Variants in SOX5 observed in about 807,000 individuals in gnomAD.
SOX5 encodes the protein SRY-box transcription factor 5.
SOX5 carries 9 observed loss-of-function variants against 92.0 expected under a neutral mutation model. That is an observed-to-expected ratio of 0.10 (90% CI 0.06 to 0.17). SOX5 has a LOEUF of 0.17. Among genes scored for constraint, SOX5 ranks in the 10% least tolerant of loss-of-function variants. SOX5 has a pLI of 1.00. For synonymous variants in SOX5, 344 were observed against 336.3 expected, an observed-to-expected ratio of 1.02 and a Z score of -0.25; for missense variants, 642 against 944.5, an observed-to-expected ratio of 0.68 and a Z score of 4.20.
intron 1 of SOX5, among the ~76,000 whole-genome samples, chr12:24,438,125 C>T (rs1363569070): frequency 6.6e-6 from 1 of 152,148 alleles, no homozygotes; most frequent in Non-Finnish European, 1.5e-5. Flanking sequence ...AGATCATGTC[C>T]TTTGCAGGGA....
chr12:24,376,211 C>A (rs999798617), intron 1 of SOX5, among the ~76,000 whole-genome samples: 2 of 152,214 alleles, frequency 1.3e-5, no homozygotes, highest in Non-Finnish European at 2.9e-5. Context: ...ATTCCAAGAA[C>A]TTTTGCATTT....
intron 1 of SOX5, among the ~76,000 whole-genome samples, chr12:23,910,184 G>A (rs117241834): frequency 0.013 from 1,976 of 152,190 alleles, 12 homozygotes; most frequent in Non-Finnish European, 0.023. Flanking sequence ...GCCTTAAAAA[G>A]ATATTAAAGC....
chr12:23,603,718 C>G (rs150071929), intron 9 of SOX5, among the ~76,000 whole-genome samples: 237 of 152,038 alleles, frequency 1.6e-3, no homozygotes, highest in African/African-American at 5.4e-3. Flanking sequence ...TTCCCTGATC[C>G]TTTTCCATGT....
intron 3 of SOX5, among the ~76,000 whole-genome samples, chr12:24,270,643 C>G (rs1054072430): frequency 4.6e-5 from 7 of 152,154 alleles, no homozygotes; most frequent in African/African-American, 1.7e-4. Context: ...AGAAGTGTTC[C>G]TGGACACAAA....
At chr12:23,655,130 T>C (rs897044017) in intron 7 of SOX5, among the ~76,000 whole-genome samples, 1 of 152,060 alleles carries the variant, frequency 6.6e-6, no homozygotes, top group African/African-American at 2.4e-5. Flanking sequence ...TTTCTGCATA[T>C]AAAAAATACA....
intron 2 of SOX5, among the ~76,000 whole-genome samples, chr12:24,286,832 C>T (rs148234857): frequency 3.9e-5 from 6 of 152,328 alleles, no homozygotes; most frequent in South Asian, 2.1e-4. Flanking sequence ...ACAGAAAGAA[C>T]GGGTCACTCT....
intron 2 of SOX5, among the ~76,000 whole-genome samples, chr12:24,308,576 C>T (rs74068501): frequency 0.013 from 1,914 of 152,278 alleles, 44 homozygotes; most frequent in African/African-American, 0.044. Flanking sequence ...CTTTGTGGTA[C>T]CACGTGACTT....
intron 1 of SOX5, among the ~76,000 whole-genome samples, chr12:24,400,382 A>G (rs945169523): frequency 3.7e-5 from 3 of 81,772 alleles, no homozygotes; most frequent in Non-Finnish European, 8.5e-5. Context: ...AATGATTTAT[A>G]ATAAATTATT....
chr12:24,293,108 A>T (rs1169899204), intron 2 of SOX5, among the ~76,000 whole-genome samples: 1 of 152,218 alleles, frequency 6.6e-6, no homozygotes. Flanking sequence ...GATGATATCA[A>T]TATATCCCAC....
At chr12:24,148,235 G>A (rs1169682121) in intron 4 of SOX5, among the ~76,000 whole-genome samples, 2 of 152,054 alleles carry the variant, frequency 1.3e-5, no homozygotes, top group Non-Finnish European at 2.9e-5. Context: ...GGCGGCTCAC[G>A]CCTGTAATCC....
rs1038878769 is a variant in SOX5, at chr12:24,422,161, A to C, written c.-250-53522T>G. On this transcript the variant is annotated intron_variant, in intron 1 of 4. Transcript: ENST00000446891. Reference sequence around the variant, plus strand: ...ATGCTTATTGTTCTTAATGAAAGCTATTCATTACACTCATTGCTGTAGTTT... The same window carrying C: ...ATGCTTATTGTTCTTAATGAAAGCTCTTCATTACACTCATTGCTGTAGTTT... Among the ~76,000 whole-genome samples, 15 of 152,332 alleles carry C rather than the reference A, an allele frequency of 9.8e-5. 1 individual carries two copies. In the South Asian group the frequency reaches 1.7e-3, roughly 17 times the overall value.
intron 4 of SOX5, among the ~76,000 whole-genome samples, chr12:24,002,894 T>C (rs1167505030): frequency 6.6e-6 from 1 of 150,596 alleles, no homozygotes; most frequent in Non-Finnish European, 1.5e-5. Flanking sequence ...ACATTACAAA[T>C]ATTCATCATG....
intron 11 of SOX5, among the ~76,000 whole-genome samples, chr12:23,547,007 T>C (rs1349658768): frequency 6.6e-6 from 1 of 152,136 alleles, no homozygotes; most frequent in Non-Finnish European, 1.5e-5. Context: ...CACAATTTGA[T>C]TTGGATTGCT....
chr12:23,672,698 C>T (rs774336278), intron 6 of SOX5, among the ~76,000 whole-genome samples: 10 of 151,926 alleles, frequency 6.6e-5, no homozygotes, highest in Non-Finnish European at 1.2e-4. Flanking sequence ...TATATGGTCA[C>T]TGACTCTTTC....
chr12:23,693,375 C>G (rs2089239326), intron 6 of SOX5, among the ~76,000 whole-genome samples: 1 of 152,138 alleles, frequency 6.6e-6, no homozygotes, highest in African/African-American at 2.4e-5. Context: ...CCACCTGCCT[C>G]AGCCTCCCAA....
intron 4 of SOX5, among the ~76,000 whole-genome samples, chr12:24,007,841 A>G (rs1039499728): frequency 2.0e-5 from 3 of 148,398 alleles, no homozygotes; most frequent in South Asian, 2.1e-4. Context: ...ATATATCTTA[A>G]ATGAAGAAAC....
intron 4 of SOX5, among the ~76,000 whole-genome samples, chr12:24,153,899 C>T (rs1951905931): frequency 2.0e-5 from 3 of 152,070 alleles, no homozygotes. Context: ...ACAAACCCCA[C>T]TCAATACGTG....
chr12:23,583,554 CTAA>C (rs1950323828), intron 9 of SOX5, among the ~76,000 whole-genome samples: 1 of 152,168 alleles, frequency 6.6e-6, no homozygotes, highest in African/African-American at 2.4e-5. Flanking sequence ...CTTCAAATTC[CTAA>C]TAATAATGGT....
At chr12:23,549,124 C>T (rs1222681251) in intron 11 of SOX5, among the ~76,000 whole-genome samples, 1 of 151,828 alleles carries the variant, frequency 6.6e-6, no homozygotes, top group East Asian at 1.9e-4. Context: ...GCAAATACTA[C>T]TGGAAAAGGT....
Sources: gnomAD v4.1 joint callset for allele counts (sites outside exome capture counted in the v4.1 genomes callset) on GRCh38, gnomAD v4.1.1 for gene constraint, MANE v1.5 for transcripts, NCBI Gene and HGNC (gene_info 2026-07-23, HGNC 2026-07-21) for gene names.